NF1: variants seen among roughly 807,000 people sequenced by gnomAD.
NF1 encodes neurofibromin.
NF1 carries 122 observed loss-of-function variants against 325.7 expected under a neutral mutation model. The ratio of observed to expected loss-of-function variants is 0.37; its 90% CI spans 0.32 to 0.44. The LOEUF (loss-of-function observed/expected upper bound fraction) is 0.44, where lower values mean the gene tolerates loss of function less well. Ranked by LOEUF, NF1 falls within the 20% of genes least tolerant of loss-of-function variation. NF1 has a pLI of 1.00. For missense variants in NF1, 2,140 were observed against 3,415.4 expected, an observed-to-expected ratio of 0.63 and a Z score of 9.31; for synonymous variants, 1,091 against 1,186.0, an observed-to-expected ratio of 0.92 and a Z score of 1.65.
chr17:31,172,005 G>T (rs2065934728), intron 5 of NF1, among the ~76,000 whole-genome samples: 2 of 152,056 alleles, frequency 1.3e-5, no homozygotes, highest in South Asian at 4.1e-4. Context: ...TTGTTTGAGG[G>T]GATGAGAGAT....
intron 1 of NF1, among the ~76,000 whole-genome samples, chr17:31,143,115 A>G (rs1201673780): frequency 6.6e-6 from 1 of 152,124 alleles, no homozygotes; most frequent in African/African-American, 2.4e-5. Flanking sequence ...CTTGTAAGCA[A>G]ATATCAGTGT....
At chr17:31,095,408 G>A (rs915960641) in intron 1 of NF1, 39 bp downstream of exon 1, 3 of 1,531,638 alleles carry the variant, frequency 2.0e-6, no homozygotes, top group Non-Finnish European at 2.6e-6. Context: ...GGAGCGGAGT[G>A]GGGGTGGGGA....
At chr17:31,129,432 A>G (rs935056931) in intron 1 of NF1, among the ~76,000 whole-genome samples, 1 of 149,716 alleles carries the variant, frequency 6.7e-6, no homozygotes, top group African/African-American at 2.4e-5. Context: ...TCTACTGTTA[A>G]TACTTGCGAT....
chr17:31,200,915 T>G lies in NF1; in HGVS notation c.1063-122T>G, dbSNP rs147289813. The G allele has an allele frequency of 6.6e-4, 910 of 1,383,888 alleles. 6 individuals carry two copies. In the African/African-American group the frequency reaches 0.012, roughly 18 times the overall value. The allele number at this position is 1,383,888 out of a possible 1,614,324, so 85.7% of individuals were successfully genotyped here. A position where few individuals can be genotyped will look rare whatever the true frequency, so the allele number is the denominator to read the frequency against. On this transcript the variant is annotated intron_variant, in intron 9 of 57. Transcript: ENST00000358273. ...GAACCACAGTATGGGTGCTTTGTGCTTCTTCTGGCAGCTGGATTTTACTGC... is the reference window on the plus strand; with the variant it reads ...GAACCACAGTATGGGTGCTTTGTGCGTCTTCTGGCAGCTGGATTTTACTGC...
chr17:31,345,137 G>C (rs1327140063), intron 48 of NF1, among the ~76,000 whole-genome samples: 1 of 152,038 alleles, frequency 6.6e-6, no homozygotes, highest in East Asian at 1.9e-4. Flanking sequence ...GACAAGAAAA[G>C]AAAAGAAGAC....
chr17:31,270,608 T>C (rs1017654918), intron 36 of NF1, among the ~76,000 whole-genome samples: 1 of 152,142 alleles, frequency 6.6e-6, no homozygotes, highest in Middle Eastern at 3.2e-3. Flanking sequence ...AGGCCTTCTC[T>C]GAAAGAATAC....
chr17:31,300,286 G>A (rs893959418), intron 36 of NF1, among the ~76,000 whole-genome samples: 5 of 151,606 alleles, frequency 3.3e-5, no homozygotes, highest in Admixed American at 2.6e-4. Flanking sequence ...TCTGCTATTA[G>A]TAACTGTTTT....
intron 56 of NF1, 41 bp from the exon 57 acceptor site, chr17:31,360,446 A>T (rs774894591): frequency 3.3e-6 from 5 of 1,537,398 alleles, no homozygotes; most frequent in East Asian, 2.2e-5. Context: ...GGATTTACTT[A>T]AAAAAAAGGA....
At chr17:31,140,347 C>T (rs1012402317) in intron 1 of NF1, among the ~76,000 whole-genome samples, 4 of 152,062 alleles carry the variant, frequency 2.6e-5, no homozygotes, top group Non-Finnish European at 5.9e-5. Flanking sequence ...TTGTGGGATT[C>T]AATGAGGTGT....
At chr17:31,127,146 C>T (rs912574600) in intron 1 of NF1, among the ~76,000 whole-genome samples, 1 of 150,774 alleles carries the variant, frequency 6.6e-6, no homozygotes, top group Non-Finnish European at 1.5e-5. Context: ...TCGGCTCTCT[C>T]CTCTAGTGCC....
chr17:31,174,273 T>A (rs574664166), intron 5 of NF1, among the ~76,000 whole-genome samples: 1 of 152,366 alleles, frequency 6.6e-6, no homozygotes, highest in South Asian at 2.1e-4. Flanking sequence ...AGTCTACTAT[T>A]TTGAACACTC....
intron 36 of NF1, among the ~76,000 whole-genome samples, chr17:31,322,094 TACACAC>T (rs71142046): frequency 0.3 from 43,657 of 147,266 alleles, 7,271 homozygotes; most frequent in South Asian, 0.42. Flanking sequence ...AGTGTGTGTA[TACACAC>T]ACACACACAC....
chr17:31,143,074 G>A (rs188861229), intron 1 of NF1, among the ~76,000 whole-genome samples: 55 of 152,158 alleles, frequency 3.6e-4, no homozygotes, highest in African/African-American at 1.2e-3. Flanking sequence ...TTTATTAGCA[G>A]TGTCTTTTTG....
chr17:31,293,191 A>AAAAAAAAG (rs2068383057), intron 36 of NF1, among the ~76,000 whole-genome samples: 5 of 112,058 alleles, frequency 4.5e-5, no homozygotes, highest in Non-Finnish European at 7.9e-5. Context: ...AAAAAAAAAA[A>AAAAAAAAG]AAAAAAAAAA....
rs201213225 is a variant in NF1 at position 31,338,150 on chromosome 17, C to T, written c.6819+11C>T. On this transcript the variant is annotated intron_variant, in intron 45 of 57. Coordinates refer to ENST00000358273, the MANE Select transcript of NF1 (RefSeq NM_001042492.3). The stretch of plus-strand genomic sequence containing the variant: ...CGTATTCTTAGCAAGGTACCTGTTC[C>T]GCCCTCACTTCTCCCAAATATTTAT... 94 of 1,547,490 alleles carry T rather than the reference C, an allele frequency of 6.1e-5. No homozygotes were observed. The East Asian group carries it at 1.5e-3, about 26-fold the overall frequency.
At chr17:31,313,831 A>AT in intron 36 of NF1, 1 of 381,872 alleles carries the variant, frequency 2.6e-6, no homozygotes, top group Non-Finnish European at 4.6e-6. Flanking sequence ...TGAACTGAGT[A>AT]TTTTTTAATT....
Position 31,182,522 on chromosome 17 carries a change from C to G in NF1, c.745C>G (p.Leu249Val), listed in dbSNP as rs2143785034. 2 of 1,613,986 alleles carry G rather than the reference C, an allele frequency of 1.2e-6. No individual in the cohort carries two copies. Among genetic ancestry groups the G allele is most frequent in the Non-Finnish European group, 1.7e-6 (2 of 1,179,896 alleles). ...TTTTCATGCAGAATGTGCAGAAAAG[C>G]TATTTGACTTGGTGGATGGTTTTGC... ...QTDMAECAEK[L>V]FDLVDGFAES... The change falls in exon 8 of 58, where the codon CTA becomes GTA. Residue 249 changes from leucine (L) to valine (V), a missense_variant. By Grantham distance (32) the Leu-to-Val change is conservative (BLOSUM62 1). This residue lies in a region of NF1 where 246 missense variants were observed against 347.8 expected (regional missense o/e 0.71). Transcript: ENST00000358273.
At chr17:31,271,413 A>G (rs1424596564) in intron 36 of NF1, among the ~76,000 whole-genome samples, 5 of 152,178 alleles carry the variant, frequency 3.3e-5, no homozygotes, top group Admixed American at 2.6e-4. Context: ...TATTTTGTAG[A>G]GCGCTTTAGT....
Position 31,163,453 on chromosome 17 carries a change from A to G in NF1, c.479+77A>G, listed in dbSNP as rs1422210826. On this transcript the variant is annotated intron_variant, in intron 4 of 57. Transcript: ENST00000358273. Reference sequence around the variant, plus strand: ...TTTTGTTTTTTGTCTACATAAAAATAAAAAGTTAATGGAAATGAGGTTTTT... The same window carrying G: ...TTTTGTTTTTTGTCTACATAAAAATGAAAAGTTAATGGAAATGAGGTTTTT... 8.5e-5 allele frequency: 128 copies of G among 1,505,958 alleles called. 3 individuals are homozygous for G. The East Asian group carries it at 2.9e-3, about 34-fold the overall frequency. 93.3% of individuals were successfully genotyped at this position (1,505,958 alleles called of 1,614,324 possible).
Sources: gnomAD v4.1 joint callset for allele counts (sites outside exome capture counted in the v4.1 genomes callset) on GRCh38, gnomAD v4.1.1 for gene constraint, gnomAD v4.1.1 regional missense constraint, MANE v1.5 for transcripts, NCBI Gene and HGNC (gene_info 2026-07-23, HGNC 2026-07-21) for gene names.